The following ZNF579 variants were observed in gnomAD, a reference collection of about 807,000 sequenced individuals.
ZNF579 encodes the protein zinc finger protein 579.
In ZNF579, 3 loss-of-function variants were observed where a neutral mutation model predicts 5.7. The ratio of observed to expected loss-of-function variants is 0.53; its 90% confidence interval spans 0.24 to 1.36. ZNF579 has a LOEUF of 1.36. ZNF579 is among the 40% of genes most tolerant of loss of function. The pLI is 0.16. For synonymous variants in ZNF579, 454 were observed against 409.0 expected (o/e 1.11, Z -1.33); for missense variants, 679 against 877.6 (o/e 0.77, Z 2.86).
Position 55,578,947 on chromosome 19 carries a change from C to G in ZNF579, c.693G>C (p.Leu231=), listed in dbSNP as rs1012772047. The change falls in exon 2 of 2, where the codon CTG becomes CTC. Residue 231 remains leucine (L), a synonymous_variant. Coordinates refer to ENST00000325421, the MANE Select transcript of ZNF579 (RefSeq NM_152600.3). ...CGAAGGCTTCGCGGCAGCGCAGACA[C>G]AGCAGCGTCCAGTCTGCCTGGAGCA... ...QVLLQADWTL[L]CLRCREAFAT... 3 of 1,555,284 alleles carry G rather than the reference C, an allele frequency of 1.9e-6. No homozygotes were observed. Among genetic ancestry groups the G allele is most frequent in the Non-Finnish European group, 1.7e-6 (2 of 1,154,126 alleles).
chr19:55,578,656 C>T lies in ZNF579; in HGVS notation c.984G>A (p.Pro328=). 1.3e-6 allele frequency: 2 copies of T among 1,529,732 alleles called. No homozygotes were observed. The highest frequency in any genetic ancestry group is 1.7e-6 in the Non-Finnish European group (2 of 1,149,036). The allele number at this position is 1,529,732 out of a possible 1,614,324, so 94.8% of individuals were successfully genotyped here. The change falls in exon 2 of 2, where the codon CCG becomes CCA. Residue 328 remains proline, a synonymous_variant. Coordinates refer to ENST00000325421, the MANE Select transcript of ZNF579 (RefSeq NM_152600.3). ...CGTCCTTCTTGCCCGCCGCGGGCAG[C>T]GGGGCCAGCAGGCTGAGGGGGCCGT... ...RVHGPLSLLA[P]LPAAGKKDDK...
At position 55,578,307 on chromosome 19, in the gene ZNF579, G is replaced by A; in HGVS notation, c.1333C>T (p.Arg445Cys). ...AGGPAPHPCPRCPRRFSRAYS... is the reference protein window; with the variant it reads ...AGGPAPHPCPCCPRRFSRAYS... ...GCGCGCGAGAAGCGGCGCGGGCAGC[G>A]GGGGCACGGGTGCGGGGCTGGGCCC... The change falls in exon 2 of 2, where the codon CGC becomes TGC. Residue 445 changes from arginine (R) to cysteine (C), a missense_variant. Transcript: ENST00000325421. 7.7e-7 allele frequency: 1 copy of A among 1,295,750 alleles called. No homozygotes were observed. The highest frequency in any genetic ancestry group is 9.8e-7 in the Non-Finnish European group (1 of 1,025,622). The allele number at this position is 1,295,750 out of a possible 1,614,324, so 80.3% of individuals were successfully genotyped here. A position where few individuals can be genotyped will look rare whatever the true frequency, so the allele number is the denominator to read the frequency against.
chr19:55,579,671 C>A, intron 1 of ZNF579, 30 bp from the exon 2 acceptor site: 2 of 1,403,688 alleles, frequency 1.4e-6, no homozygotes, highest in Non-Finnish European at 1.8e-6. Context: ...AGATGGGAAG[C>A]GGGGCAGAGA....
In ZNF579 at chr19:55,577,580, C is replaced by A. The variant is rs564674216; in HGVS notation, c.*371G>T. 18 of 299,500 alleles carry A rather than the reference C, an allele frequency of 6.0e-5. No homozygotes were observed. Among genetic ancestry groups the A allele is most frequent in the Non-Finnish European group, 1.1e-4 (17 of 158,786 alleles). 18.6% of individuals were successfully genotyped at this position (299,500 alleles called of 1,614,324 possible). ...GACAGACAAAGGGACAAGGACAGAC[C>A]TTTGCTCACTGGGGACCCCCAGGGT... On this transcript the variant is annotated 3_prime_UTR_variant, in exon 2 of 2. Transcript: ENST00000325421.
rs1599966803 is a variant in ZNF579, at chr19:55,577,604, G to A, written c.*347C>T. 2 of 347,974 alleles carry A rather than the reference G, an allele frequency of 5.7e-6. No homozygotes were observed. Among genetic ancestry groups the A allele is most frequent in the Admixed American group, 4.5e-5 (1 of 22,428 alleles). The allele number at this position is 347,974 out of a possible 1,614,324, so 21.6% of individuals were successfully genotyped here. A position where few individuals can be genotyped will look rare whatever the true frequency, so the allele number is the denominator to read the frequency against. ...CCTTTGCTCACTGGGGACCCCCAGG[G>A]TCTGGCAGTTCCAAAGAGGTGATGG... On this transcript the variant is annotated 3_prime_UTR_variant, in exon 2 of 2. Coordinates refer to ENST00000325421, the MANE Select transcript of ZNF579 (RefSeq NM_152600.3).
chr19:55,578,012 A>G lies in ZNF579; in HGVS notation c.1628T>C (p.Met543Thr). 1 of 1,599,862 alleles carries G rather than the reference A, an allele frequency of 6.3e-7. No homozygotes were observed. The highest frequency in any genetic ancestry group is 8.5e-7 in the Non-Finnish European group (1 of 1,173,544). ...FDSQDHSAFEMEEEEVDSKAH... is the reference protein window; with the variant it reads ...FDSQDHSAFETEEEEVDSKAH... ...CTTGCTGTCTACCTCTTCCTCCTCC[A>G]TCTCGAAGGCTGAGTGGTCTTGGCT... Residue 543 changes from methionine to threonine, a missense_variant, in exon 2 of 2, where the codon ATG (methionine) becomes ACG (threonine). Met to Thr is a moderately conservative substitution (Grantham distance 81). Coordinates refer to ENST00000325421, the MANE Select transcript of ZNF579 (RefSeq NM_152600.3).
chr19:55,577,943 G>A lies in ZNF579; in HGVS notation c.*8C>T. Reference sequence around the variant, plus strand: ...CAGGCGGAGCGGCGGAGGGCAGGGCGGCGAAGGTCAGGAGGCCAGGCCCCC... The same window carrying A: ...CAGGCGGAGCGGCGGAGGGCAGGGCAGCGAAGGTCAGGAGGCCAGGCCCCC... On this transcript the variant is annotated 3_prime_UTR_variant, in exon 2 of 2. Transcript: ENST00000325421. 1 of 1,579,926 alleles carries A rather than the reference G, an allele frequency of 6.3e-7. No individual in the cohort carries two copies. Among genetic ancestry groups the A allele is most frequent in the East Asian group, 2.3e-5 (1 of 43,332 alleles).
rs372575125 is a variant in ZNF579 at position 55,579,154 on chromosome 19, C to T, written c.486G>A (p.Thr162=). 1,984 of 1,525,666 alleles carry T rather than the reference C, an allele frequency of 1.3e-3. 15 individuals carry two copies. The African/African-American group carries it at 0.016, about 13-fold the overall frequency. 94.5% of individuals were successfully genotyped at this position (1,525,666 alleles called of 1,614,324 possible). The part of the protein sequence containing the change: ...EPPTTAAAGA[T]EEEAVAAWPE... ...GCCACGCTGCGACCGCCTCCTCCTC[C>T]GTGGCCCCTGCTGCAGCGGTGGTGG... Residue 162 remains threonine, a synonymous_variant, in exon 2 of 2, where the codon ACG becomes ACA. Transcript: ENST00000325421.
rs781427167 is a variant in ZNF579, at chr19:55,577,932, GAGGGCAGGGCGGCGA to G, written c.*4_*18del. ...ACCGGGGAGCTCAGGCGGAGCGGCG[GAGGGCAGGGCGGCGA>G]AGGTCAGGAGGCCAGGCCCCCCAGC... On this transcript the variant is annotated 3_prime_UTR_variant, in exon 2 of 2. Coordinates refer to ENST00000325421, the MANE Select transcript of ZNF579 (RefSeq NM_152600.3). The G allele has an allele frequency of 1.5e-5, 23 of 1,571,028 alleles. No individual in the cohort carries two copies. Among genetic ancestry groups the G allele is most frequent in the Middle Eastern group, 1.8e-4 (1 of 5,600 alleles).
Position 55,578,450 on chromosome 19 carries a change from G to A in ZNF579, c.1190C>T (p.Ala397Val), listed in dbSNP as rs1422518754. 2 of 1,463,824 alleles carry A rather than the reference G, an allele frequency of 1.4e-6. No homozygotes were observed. Among genetic ancestry groups the A allele is most frequent in the South Asian group, 1.3e-5 (1 of 75,244 alleles). 90.7% of individuals were successfully genotyped at this position (1,463,824 alleles called of 1,614,324 possible). ...GGTCACCCCGTGCTGCCGCAGGTGC[G>A]CCCGGCGCCTGAAACCTTTGCCGCA... ...PECGKGFRRR[A>V]HLRQHGVTHS... The change falls in exon 2 of 2, where the codon GCG becomes GTG. Residue 397 changes from alanine (A) to valine (V), a missense_variant. Around this residue, in one of 6 missense-constraint regions of ZNF579, gnomAD observed 68 missense variants for 154.2 expected, o/e 0.44. Transcript: ENST00000325421.
Position 55,578,107 on chromosome 19 carries a change from C to A in ZNF579, c.1533G>T (p.Pro511=), listed in dbSNP as rs376172183. 11 of 1,561,324 alleles carry A rather than the reference C, an allele frequency of 7.0e-6. No homozygotes were observed. In the East Asian group the frequency reaches 9.4e-5, roughly 13 times the overall value. The change falls in exon 2 of 2, where the codon CCG becomes CCT. Residue 511 remains proline, a synonymous_variant. Transcript: ENST00000325421. ...PLPLANIKEE[P]PSPGTPPQSP... Reference sequence around the variant, plus strand: ...ACTGGGGTGGGGTCCCCGGAGAGGGCGGCTCTTCCTTAATGTTTGCGAGGG... The same window carrying A: ...ACTGGGGTGGGGTCCCCGGAGAGGGAGGCTCTTCCTTAATGTTTGCGAGGG...
rs560621189 is a variant in ZNF579 at position 55,579,058 on chromosome 19, C to T, written c.582G>A (p.Ser194=). ...CCCCGGCCTCGGCCTCCTCCGACTCCGACTCCCGGGGCTCCGCGGCGCTGG... is the reference window on the plus strand; with the variant it reads ...CCCCGGCCTCGGCCTCCTCCGACTCTGACTCCCGGGGCTCCGCGGCGCTGG... The part of the protein sequence containing the change: ...APTSAAEPRE[S]ESEEAEAGAA... Residue 194 remains serine, a synonymous_variant, in exon 2 of 2, where the codon TCG becomes TCA. Coordinates refer to ENST00000325421, the MANE Select transcript of ZNF579 (RefSeq NM_152600.3). 7.8e-6 allele frequency: 12 copies of T among 1,529,958 alleles called. No homozygotes were observed. Among genetic ancestry groups the T allele is most frequent in the South Asian group, 7.2e-5 (6 of 83,368 alleles). The allele number at this position is 1,529,958 out of a possible 1,614,324, so 94.8% of individuals were successfully genotyped here. A position where few individuals can be genotyped will look rare whatever the true frequency, so the allele number is the denominator to read the frequency against.
At position 55,579,105 on chromosome 19, in the gene ZNF579, G is replaced by C. The variant is rs569290710; in HGVS notation, c.535C>G (p.Pro179Ala). The C allele has an allele frequency of 1.3e-6, 2 of 1,527,348 alleles. No individual in the cohort carries two copies. Among genetic ancestry groups the C allele is most frequent in the African/African-American group, 1.4e-5 (1 of 71,898 alleles). 94.6% of individuals were successfully genotyped at this position (1,527,348 alleles called of 1,614,324 possible). ...AWPETWPAGE[P>A]STLAAPTSAA... is the part of the protein sequence containing the mutation. ...CTGGTGGGCGCAGCCAGCGTGGAAG[G>C]CTCCCCCGCAGGCCACGTCTCAGGC... The change falls in exon 2 of 2, where the codon CCT (proline) becomes GCT (alanine). Residue 179 changes from proline (P) to alanine (A), a missense_variant. Pro to Ala is a conservative substitution (Grantham distance 27, BLOSUM62 -1). Coordinates refer to ENST00000325421, the MANE Select transcript of ZNF579 (RefSeq NM_152600.3).
At position 55,578,542 on chromosome 19, in the gene ZNF579, C is replaced by CCGG; in HGVS notation, c.1097_1098insCCG (p.Gly366_Gln367insArg). On this transcript the variant is annotated inframe_insertion, in exon 2 of 2. Transcript: ENST00000325421. ...CCGGGGCGGCGTCGCCTCCGTTCTG[C>CCGG]CCTTCTCCCCCTTCCGAGGCACCCC... 3.5e-6 allele frequency: 5 copies of CCGG among 1,423,402 alleles called. No individual in the cohort carries two copies. Among genetic ancestry groups the CCGG allele is most frequent in the Non-Finnish European group, 4.6e-6 (5 of 1,098,222 alleles). The allele number at this position is 1,423,402 out of a possible 1,614,324, so 88.2% of individuals were successfully genotyped here.
At position 55,578,193 on chromosome 19, in the gene ZNF579, A is replaced by G. The variant is rs1979457916; in HGVS notation, c.1447T>C (p.Ser483Pro). The G allele has an allele frequency of 6.7e-7, 1 of 1,487,414 alleles. No individual in the cohort carries two copies. The highest frequency in any genetic ancestry group is 8.9e-7 in the Non-Finnish European group (1 of 1,121,354). 92.1% of individuals were successfully genotyped at this position (1,487,414 alleles called of 1,614,324 possible). ...AGGGGCGGCGGGGGCGGTGGCGGCG[A>G]CGTCGGGGCCTGGGCCTGCAGTGCC... ...LQALQAQAPT[S>P]PPPPPPPLKA... Residue 483 changes from serine (S) to proline (P), a missense_variant, in exon 2 of 2, where the codon TCG (serine) becomes CCG (proline). Physicochemically the swap from Ser to Pro is moderately conservative, Grantham distance 74. This residue lies in a region of ZNF579 where 116 missense variants were observed against 121.9 expected (regional missense o/e 0.95). Transcript: ENST00000325421.
Position 55,578,324 on chromosome 19 carries a change from G to T in ZNF579, c.1316C>A (p.Ala439Asp), listed in dbSNP as rs1219312198. 3 of 1,352,732 alleles carry T rather than the reference G, an allele frequency of 2.2e-6. No individual in the cohort carries two copies. Among genetic ancestry groups the T allele is most frequent in the African/African-American group, 3.1e-5 (2 of 63,974 alleles). The allele number at this position is 1,352,732 out of a possible 1,614,324, so 83.8% of individuals were successfully genotyped here. A position where few individuals can be genotyped will look rare whatever the true frequency, so the allele number is the denominator to read the frequency against. Reference protein sequence around the residue: ...RHAQVHAGGPAPHPCPRCPRR... With the variant: ...RHAQVHAGGPDPHPCPRCPRR... ...CGGGCAGCGGGGGCACGGGTGCGGG[G>T]CTGGGCCCCCCGCGTGCACCTGTGC... The change falls in exon 2 of 2, where the codon GCC (alanine) becomes GAC (aspartate). Residue 439 changes from alanine (A) to aspartate (D), a missense_variant. Ala to Asp is a moderately radical substitution (Grantham distance 126, BLOSUM62 -2). Around this residue, in one of 6 missense-constraint regions of ZNF579, gnomAD observed 68 missense variants for 154.2 expected, o/e 0.44. Transcript: ENST00000325421.
chr19:55,578,674 G>A lies in ZNF579; in HGVS notation c.966C>T (p.Pro322=), dbSNP rs763079619. ...YLRQHRRVHG[P]LSLLAPLPAA... ...CGGGCAGCGGGGCCAGCAGGCTGAG[G>A]GGGCCGTGGACGCGGCGGTGCTGGC... Residue 322 remains proline, a synonymous_variant, in exon 2 of 2, where the codon CCC becomes CCT. Transcript: ENST00000325421. The A allele has an allele frequency of 5.2e-6, 8 of 1,546,494 alleles. No homozygotes were observed. Among genetic ancestry groups the A allele is most frequent in the South Asian group, 3.7e-5 (3 of 82,086 alleles).
chr19:55,579,469 G>A lies in ZNF579; in HGVS notation c.171C>T (p.Tyr57=), dbSNP rs1979562494. The change falls in exon 2 of 2, where the codon TAC becomes TAT. Residue 57 remains tyrosine, a synonymous_variant. Coordinates refer to ENST00000325421, the MANE Select transcript of ZNF579 (RefSeq NM_152600.3). ...GGCTCAGCCGGTGCCGGGAGAGGTA[G>A]TAGGGGAAACGGAAGAGGCGGCCGC... ...PTCGRLFRFP[Y]YLSRHRLSHS... 3.7e-6 allele frequency: 5 copies of A among 1,355,032 alleles called. No homozygotes were observed. The highest frequency in any genetic ancestry group is 4.7e-6 in the Non-Finnish European group (5 of 1,053,234). 83.9% of individuals were successfully genotyped at this position (1,355,032 alleles called of 1,614,324 possible). A position where few individuals can be genotyped will look rare whatever the true frequency, so the allele number is the denominator to read the frequency against.
At position 55,577,423 on chromosome 19, in the gene ZNF579, G is replaced by C. The variant is rs994379267; in HGVS notation, c.*528C>G. 1.9e-5 allele frequency: 3 copies of C among 160,872 alleles called. No individual in the cohort carries two copies. The highest frequency in any genetic ancestry group is 7.2e-5 in the African/African-American group (3 of 41,448). The allele number at this position is 160,872 out of a possible 1,614,324, so 10.0% of individuals were successfully genotyped here. On this transcript the variant is annotated 3_prime_UTR_variant, in exon 2 of 2. Coordinates refer to ENST00000325421, the MANE Select transcript of ZNF579 (RefSeq NM_152600.3). ...GGGCCACATATTTTCTGATGCATCTGTGTCCTTCCTGCTCTGAACCCAAGT... is the reference window on the plus strand; with the variant it reads ...GGGCCACATATTTTCTGATGCATCTCTGTCCTTCCTGCTCTGAACCCAAGT...
Sources: allele counts gnomAD v4.1 joint callset, GRCh38; gene constraint gnomAD v4.1.1; regional missense constraint gnomAD v4.1.1; transcripts MANE v1.5; gene names NCBI Gene and HGNC (gene_info 2026-07-23, HGNC 2026-07-21).